VPS13B: variants seen among roughly 807,000 people sequenced by gnomAD.
VPS13B encodes intermembrane lipid transfer protein VPS13B.
VPS13B carries 285 observed loss-of-function variants against 426.4 expected under a neutral mutation model. The ratio of observed to expected loss-of-function variants is 0.67; its 90% CI spans 0.61 to 0.74. The LOEUF (loss-of-function observed/expected upper bound fraction) is 0.74. VPS13B is among the 30% of genes least tolerant of loss of function. VPS13B has a pLI of 0.00. For missense variants in VPS13B, 4,537 were observed against 4,782.6 expected (o/e 0.95, Z 1.51); for synonymous variants, 1,676 against 1,676.4 (o/e 1.00, Z 0.01).
intron 33 of VPS13B, among the ~76,000 whole-genome samples, chr8:99,595,072 A>G (rs1826931942): frequency 6.6e-6 from 1 of 151,932 alleles, no homozygotes. Context: ...TTCTCTTCAT[A>G]AGCTCTGTAT....
chr8:99,268,138 A>C (rs1026502085), intron 17 of VPS13B, among the ~76,000 whole-genome samples: 2 of 152,236 alleles, frequency 1.3e-5, no homozygotes, highest in Admixed American at 1.3e-4. Flanking sequence ...CTTAGATTTC[A>C]GAGGATGTGT....
intron 2 of VPS13B, among the ~76,000 whole-genome samples, chr8:99,024,736 A>C (rs1422928076): frequency 6.6e-6 from 1 of 152,240 alleles, no homozygotes; most frequent in Non-Finnish European, 1.5e-5. Flanking sequence ...AGAAATTGTG[A>C]TGCTTGCAGA....
intron 24 of VPS13B, 38 bp downstream of exon 24, chr8:99,467,672 A>C: frequency 6.3e-7 from 1 of 1,596,768 alleles, no homozygotes; most frequent in African/African-American, 1.3e-5. Flanking sequence ...ATTTAAAGTA[A>C]TGTGATTTAA....
intron 19 of VPS13B, among the ~76,000 whole-genome samples, chr8:99,380,412 A>G (rs537200057): frequency 6.6e-6 from 1 of 152,110 alleles, no homozygotes; most frequent in South Asian, 2.1e-4. Context: ...CCATTTTGCA[A>G]TCATCTTGTG....
At chr8:99,021,892 C>A (rs1189673882) in intron 2 of VPS13B, among the ~76,000 whole-genome samples, 1 of 152,116 alleles carries the variant, frequency 6.6e-6, no homozygotes, top group Non-Finnish European at 1.5e-5. Context: ...GGATTACAGG[C>A]GTGAGCCCCT....
intron 19 of VPS13B, among the ~76,000 whole-genome samples, chr8:99,334,110 G>A (rs1357666037): frequency 6.6e-6 from 1 of 151,846 alleles, no homozygotes. Context: ...CTATAAGGTA[G>A]TTGTATGTTT....
intron 2 of VPS13B, among the ~76,000 whole-genome samples, chr8:99,025,955 G>T (rs1842116760): frequency 6.6e-6 from 1 of 151,996 alleles, no homozygotes; most frequent in Non-Finnish European, 1.5e-5. Flanking sequence ...CAAAAAACCA[G>T]CTTTTCATTT....
Position 99,096,755 on chromosome 8 carries a change from C to CA in VPS13B, c.412+341dup, listed in dbSNP as rs56378823. On this transcript the variant is annotated intron_variant, in intron 4 of 61. Coordinates refer to ENST00000357162, the MANE Select transcript of VPS13B (RefSeq NM_152564.5). ...TGGGTGACAGAGTGATACTCTGTCT[C>CA]AAAAAAAAAAAAAAAAAATTGATCA... 2.6e-3 allele frequency among the ~76,000 whole-genome samples: 309 copies of CA among 116,778 alleles called. 2 individuals are homozygous for CA. Among genetic ancestry groups the CA allele is most frequent in the Middle Eastern group, 4.3e-3 (1 of 232 alleles). The allele number at this position is 116,778 out of a possible 152,430, so 76.6% of individuals were successfully genotyped here. A position where few individuals can be genotyped will look rare whatever the true frequency, so the allele number is the denominator to read the frequency against.
chr8:99,430,823 A>AT (rs1817062579), intron 21 of VPS13B, among the ~76,000 whole-genome samples: 1 of 151,330 alleles, frequency 6.6e-6, no homozygotes, highest in Non-Finnish European at 1.5e-5. Flanking sequence ...GGTTCAAGTG[A>AT]TTCCCCTGCC....
At chr8:99,566,657 G>A (rs1204152986) in intron 31 of VPS13B, among the ~76,000 whole-genome samples, 1 of 152,120 alleles carries the variant, frequency 6.6e-6, no homozygotes, top group Non-Finnish European at 1.5e-5. Context: ...TGGCCAGGCT[G>A]GTCTTGAACT....
At chr8:99,229,279 G>A (rs1483902444) in intron 17 of VPS13B, among the ~76,000 whole-genome samples, 1 of 152,198 alleles carries the variant, frequency 6.6e-6, no homozygotes, top group African/African-American at 2.4e-5. Flanking sequence ...AAATGGCTAG[G>A]TCCTTCTACC....
At chr8:99,073,358 A>G (rs1307130789) in intron 3 of VPS13B, among the ~76,000 whole-genome samples, 6 of 152,184 alleles carry the variant, frequency 3.9e-5, no homozygotes, top group East Asian at 1.9e-4. Context: ...CCTCTAATCT[A>G]TGAACATAGG....
intron 51 of VPS13B, among the ~76,000 whole-genome samples, chr8:99,827,370 G>T (rs1481392050): frequency 1.3e-5 from 2 of 152,066 alleles, no homozygotes; most frequent in Non-Finnish European, 2.9e-5. Flanking sequence ...GGTGTTTATA[G>T]TATTCTCTGA....
intron 31 of VPS13B, among the ~76,000 whole-genome samples, chr8:99,560,508 T>A (rs1438371371): frequency 6.6e-6 from 1 of 152,190 alleles, no homozygotes; most frequent in Non-Finnish European, 1.5e-5. Context: ...TTCATTGATT[T>A]ATCCCTAGAA....
intron 30 of VPS13B, among the ~76,000 whole-genome samples, chr8:99,528,601 G>A (rs997388944): frequency 2.6e-5 from 4 of 152,008 alleles, no homozygotes; most frequent in Non-Finnish European, 4.4e-5. Flanking sequence ...GATGAAATAA[G>A]TGAAATTAGA....
intron 17 of VPS13B, among the ~76,000 whole-genome samples, chr8:99,251,780 A>G (rs2132922972): frequency 6.6e-6 from 1 of 152,132 alleles, no homozygotes; most frequent in South Asian, 2.1e-4. Context: ...AGATTTCTCC[A>G]TTTGGACCTG....
rs571072336 is a variant in VPS13B, at chr8:99,264,484, A to G, written c.2516-9714A>G. Among the ~76,000 whole-genome samples the G allele has an allele frequency of 7.2e-5, 11 of 152,208 alleles. No homozygotes were observed. In the East Asian group the frequency reaches 1.9e-3, roughly 27 times the overall value. On this transcript the variant is annotated intron_variant, in intron 17 of 61. Coordinates refer to ENST00000357162, the MANE Select transcript of VPS13B (RefSeq NM_152564.5). ...TTTATTTTGTCTTTATATGTAATTG[A>G]TTGGACTGTATATAGATTTTTAGGG...
intron 25 of VPS13B, among the ~76,000 whole-genome samples, chr8:99,487,444 T>TA (rs374447517): frequency 2.6e-5 from 4 of 152,076 alleles, no homozygotes; most frequent in South Asian, 4.1e-4. Flanking sequence ...TAAATTGTGG[T>TA]AAAAAAATAT....
At chr8:99,635,893 CTT>C (rs1160288525) in intron 33 of VPS13B, among the ~76,000 whole-genome samples, 1 of 151,934 alleles carries the variant, frequency 6.6e-6, no homozygotes, top group Non-Finnish European at 1.5e-5. Flanking sequence ...CACTATGCCT[CTT>C]AACCAAACTC....
Sources: allele counts gnomAD v4.1 joint callset (sites outside exome capture counted in the v4.1 genomes callset), GRCh38; gene constraint gnomAD v4.1.1; transcripts MANE v1.5; gene names NCBI Gene and HGNC (gene_info 2026-07-23, HGNC 2026-07-21).